EXOC5: variants seen among roughly 807,000 people sequenced by gnomAD.
The protein encoded by EXOC5 is exocyst complex component 5, also known as SEC10-like 1.
In EXOC5, 17 loss-of-function variants were observed where a neutral mutation model predicts 90.8. The observed-to-expected ratio is 0.19, with a 90% CI of 0.13 to 0.28. The LOEUF is 0.28. EXOC5 is among the 10% of genes least tolerant of loss of function. The pLI is 1.00. For synonymous variants in EXOC5, 260 were observed against 270.0 expected (o/e 0.96, Z 0.36); for missense variants, 569 against 830.6 (o/e 0.69, Z 3.87).
chr14:57,243,068 G>A (rs1416501881), intron 4 of EXOC5, among the ~76,000 whole-genome samples: 2 of 152,134 alleles, frequency 1.3e-5, no homozygotes, highest in Non-Finnish European at 2.9e-5. Flanking sequence ...AACATACACA[G>A]TGATATAATG....
At chr14:57,234,131 C>A in intron 7 of EXOC5, 99 bp from the exon 8 acceptor site, 1 of 873,480 alleles carries the variant, frequency 1.1e-6, no homozygotes, top group South Asian at 1.7e-5. Context: ...TGACTATTTA[C>A]CAGTAAATGG....
At chr14:57,218,823 AC>A (rs1883046060) in intron 14 of EXOC5, among the ~76,000 whole-genome samples, 1 of 152,080 alleles carries the variant, frequency 6.6e-6, no homozygotes, top group Non-Finnish European at 1.5e-5. Context: ...TCACATATAC[AC>A]CATCTTATTT....
intron 1 of EXOC5, among the ~76,000 whole-genome samples, chr14:57,250,038 C>G (rs1051282576): frequency 6.6e-6 from 1 of 152,124 alleles, no homozygotes; most frequent in African/African-American, 2.4e-5. Context: ...TCCCAAAGTG[C>G]TGAGATTACA....
At chr14:57,252,995 A>C (rs1382986953) in intron 1 of EXOC5, among the ~76,000 whole-genome samples, 1 of 152,178 alleles carries the variant, frequency 6.6e-6, no homozygotes, top group African/African-American at 2.4e-5. Context: ...AATATGGATG[A>C]ACCAGGAGAA....
At chr14:57,234,407 A>G (rs1444705074) in intron 7 of EXOC5, among the ~76,000 whole-genome samples, 1 of 151,334 alleles carries the variant, frequency 6.6e-6, no homozygotes, top group Non-Finnish European at 1.5e-5. Flanking sequence ...AAACACACAC[A>G]TACACAGAGA....
chr14:57,243,931 A>T (rs746484577), intron 4 of EXOC5, among the ~76,000 whole-genome samples: 2 of 152,220 alleles, frequency 1.3e-5, no homozygotes, highest in Non-Finnish European at 2.9e-5. Context: ...TTTTTAAGCC[A>T]CAAAAAATTT....
chr14:57,254,150 A>G (rs1884274874), intron 1 of EXOC5, among the ~76,000 whole-genome samples: 1 of 152,150 alleles, frequency 6.6e-6, no homozygotes, highest in Non-Finnish European at 1.5e-5. Flanking sequence ...GATGCCTAAC[A>G]CTGGCTGGGC....
At chr14:57,244,933 T>C (rs1390841348) in intron 3 of EXOC5, among the ~76,000 whole-genome samples, 2 of 151,450 alleles carry the variant, frequency 1.3e-5, no homozygotes, top group African/African-American at 4.9e-5. Flanking sequence ...GAGGCAGAGG[T>C]TGCAGTGAGC....
chr14:57,221,624 G>A (rs1043977089), intron 13 of EXOC5, among the ~76,000 whole-genome samples: 1 of 152,146 alleles, frequency 6.6e-6, no homozygotes, highest in African/African-American at 2.4e-5. Context: ...TGAAAAGGAG[G>A]AATTGAGGAA....
At chr14:57,255,737 T>C (rs1432473166) in intron 1 of EXOC5, among the ~76,000 whole-genome samples, 1 of 150,484 alleles carries the variant, frequency 6.6e-6, no homozygotes, top group Non-Finnish European at 1.5e-5. Context: ...GAAGCTGAGG[T>C]AGGAGAATTG....
rs1882505675 is a variant in EXOC5, at chr14:57,201,518, ATATATACACACAC to A, written c.*7078_*7090del. On this transcript the variant is annotated 3_prime_UTR_variant, in exon 18 of 18. Coordinates refer to ENST00000621441, the MANE Select transcript of EXOC5 (RefSeq NM_006544.4). Reference sequence around the variant, plus strand: ...CGTGTATATACACACACATATGTATATATATACACACACACCACACATATACATATATTTTTAT... The same window carrying A: ...CGTGTATATACACACACATATGTATAACCACACATATACATATATTTTTAT... 6.9e-6 allele frequency: 1 copy of A among 145,912 alleles called. No individual in the cohort carries two copies. Among genetic ancestry groups the A allele is most frequent in the African/African-American group, 2.6e-5 (1 of 38,904 alleles). 9.0% of individuals were successfully genotyped at this position (145,912 alleles called of 1,614,324 possible).
At chr14:57,252,680 T>C (rs967966730) in intron 1 of EXOC5, among the ~76,000 whole-genome samples, 5 of 152,178 alleles carry the variant, frequency 3.3e-5, no homozygotes, top group African/African-American at 9.7e-5. Context: ...TTGCACACTG[T>C]TGGTGGGAAT....
Position 57,204,182 on chromosome 14 carries a change from T to C in EXOC5, c.*4427A>G, listed in dbSNP as rs1882579511. ...TACCTATCAAATAATAATGATAAAA[T>C]ACCTCGGGTCTAGTTCAAAAATAGG... On this transcript the variant is annotated 3_prime_UTR_variant, in exon 18 of 18. Coordinates refer to ENST00000621441, the MANE Select transcript of EXOC5 (RefSeq NM_006544.4). 6.6e-6 allele frequency: 1 copy of C among 152,104 alleles called. No homozygotes were observed. The highest frequency in any genetic ancestry group is 6.6e-5 in the Admixed American group (1 of 15,262). 9.4% of individuals were successfully genotyped at this position (152,104 alleles called of 1,614,324 possible).
rs994536741 is a variant in EXOC5 at position 57,232,709 on chromosome 14, T to A, written c.896A>T (p.Asp299Val). The change falls in exon 10 of 18, where the codon GAT becomes GTT. Residue 299 changes from aspartate to valine, a missense_variant. Physicochemically the swap from Asp to Val is radical, Grantham distance 152. Transcript: ENST00000621441. ...GAGATTTTTGAGATATTGCTCTGCA[T>A]CGGACTTCCTACATTCTTCTAACTG... ...KEQLEECRKSDAEQYLKNLYD... is the reference protein window; with the variant it reads ...KEQLEECRKSVAEQYLKNLYD... 7.7e-6 allele frequency: 12 copies of A among 1,555,920 alleles called. No individual in the cohort carries two copies. The Admixed American group carries it at 1.8e-4, about 23-fold the overall frequency.
At chr14:57,268,477 G>C (rs959624909) in intron 1 of EXOC5, 145 bp downstream of exon 1, 2 of 1,487,004 alleles carry the variant, frequency 1.3e-6, no homozygotes, top group Admixed American at 2.1e-5. Context: ...CGCTGACACG[G>C]AGCTGCCACC....
intron 2 of EXOC5, 24 bp downstream of exon 2, chr14:57,247,568 CTAATGTGTACCAGATTAGATCTGTGG>C: frequency 1.2e-6 from 1 of 801,420 alleles, no homozygotes. Context: ...TATTCTAACA[CTAATGTGTACCAGATTAGATCTGTGG>C]GGAAAAAAAT....
chr14:57,228,806 G>T (rs1214257067), intron 12 of EXOC5, among the ~76,000 whole-genome samples: 1 of 144,480 alleles, frequency 6.9e-6, no homozygotes, highest in African/African-American at 2.6e-5. Flanking sequence ...GTATACCTAT[G>T]TAACAAACCT....
At chr14:57,249,749 GGAT>G (rs537304902) in intron 1 of EXOC5, among the ~76,000 whole-genome samples, 1 of 151,676 alleles carries the variant, frequency 6.6e-6, no homozygotes, top group Non-Finnish European at 1.5e-5. Flanking sequence ...GATAAGAGTG[GGAT>G]GATGATGATG....
At position 57,219,359 on chromosome 14, in the gene EXOC5, C is replaced by T; in HGVS notation, c.1489G>A (p.Asp497Asn). 3 of 1,538,682 alleles carry T rather than the reference C, an allele frequency of 1.9e-6. No homozygotes were observed. The highest frequency in any genetic ancestry group is 2.6e-6 in the Non-Finnish European group (3 of 1,137,304). Reference sequence around the variant, plus strand: ...ATAAGGTGATCATTAAACTGTTTGTCAAAAAGATGAAAAATAGTATTGGCC... The same window carrying T: ...ATAAGGTGATCATTAAACTGTTTGTTAAAAAGATGAAAAATAGTATTGGCC... ...QQANTIFHLF[D>N]KQFNDHLMPL... is the part of the protein sequence containing the mutation. Residue 497 changes from aspartate (D) to asparagine (N), a missense_variant, in exon 14 of 18, where the codon GAC (aspartate) becomes AAC (asparagine). By Grantham distance (23) the Asp-to-Asn change is conservative. Transcript: ENST00000621441.
Sources: allele counts gnomAD v4.1 joint callset (sites outside exome capture counted in the v4.1 genomes callset), GRCh38; gene constraint gnomAD v4.1.1; transcripts MANE v1.5; gene names NCBI Gene and HGNC (gene_info 2026-07-23, HGNC 2026-07-21).